Variants in C2orf76 observed in about 807,000 individuals in gnomAD.
C2orf76 encodes the protein chromosome 2 open reading frame 76.
C2orf76 carries 23 observed loss-of-function variants against 16.9 expected under a neutral mutation model. The ratio of observed to expected loss-of-function variants is 1.36; its 90% CI spans 0.98 to 1.93. C2orf76 has a LOEUF of 1.93. Ranked by LOEUF, C2orf76 falls within the 30% of genes most tolerant of loss-of-function variation. The pLI, the probability that C2orf76 is intolerant of heterozygous loss-of-function variation, is 0.00. For synonymous variants in C2orf76, 48 were observed against 52.3 expected, an observed-to-expected ratio of 0.92 and a Z score of 0.35; for missense variants, 152 against 152.6, an observed-to-expected ratio of 1.00 and a Z score of 0.02.
At chr2:119,363,569 G>A (rs1309415985) in intron 1 of C2orf76, among the ~76,000 whole-genome samples, 1 of 152,102 alleles carries the variant, frequency 6.6e-6, no homozygotes. Context: ...TCGCCTTATA[G>A]TAACTCTAGT....
chr2:119,366,676 T>C, intron 1 of C2orf76, 114 bp downstream of exon 1: 1 of 458,204 alleles, frequency 2.2e-6, no homozygotes, highest in South Asian at 2.0e-5. Context: ...CGTTCTTCGG[T>C]CTCCGTCCCC....
chr2:119,334,692 G>GC (rs1553448065), intron 2 of C2orf76, among the ~76,000 whole-genome samples: 1 of 129,654 alleles, frequency 7.7e-6, no homozygotes, highest in Non-Finnish European at 1.7e-5. Flanking sequence ...CTCTCTCTCA[G>GC]AAAAAAACAA....
downstream of C2orf76, among the ~76,000 whole-genome samples, chr2:119,301,241 T>C (rs1259038550): frequency 6.6e-6 from 1 of 152,182 alleles, no homozygotes; most frequent in African/African-American, 2.4e-5. Flanking sequence ...CCCCCAAAAC[T>C]ACATCATCTG....
At chr2:119,304,399 T>C (rs7599053) in intron 5 of C2orf76, among the ~76,000 whole-genome samples, 23,322 of 152,220 alleles carry the variant, frequency 0.15, 4,558 homozygotes, top group African/African-American at 0.46. Context: ...ACTAATATGT[T>C]GTGTGGCTCT....
In C2orf76 at chr2:119,345,929, C is replaced by T. The variant is rs376911495; in HGVS notation, c.-12-5958G>A. Reference sequence around the variant, plus strand: ...ACAAAAAATTAGCCGGGCATGGTGGCGGGCGCCTGTAGCTACTCAGGAGAC... The same window carrying T: ...ACAAAAAATTAGCCGGGCATGGTGGTGGGCGCCTGTAGCTACTCAGGAGAC... On this transcript the variant is annotated intron_variant, in intron 1 of 5. Transcript: ENST00000334816. Among the ~76,000 whole-genome samples the T allele has an allele frequency of 4.0e-3, 610 of 151,650 alleles. 6 individuals are homozygous for T. Among genetic ancestry groups the T allele is most frequent in the Middle Eastern group, 0.014 (4 of 292 alleles).
At chr2:119,334,703 AATAT>A (rs1553448070) in intron 2 of C2orf76, among the ~76,000 whole-genome samples, 1 of 146,132 alleles carries the variant, frequency 6.8e-6, no homozygotes. Context: ...AAAAAAACAA[AATAT>A]ATATATATAT....
downstream of C2orf76, among the ~76,000 whole-genome samples, chr2:119,299,561 G>A (rs780660088): frequency 2.0e-5 from 3 of 152,104 alleles, no homozygotes; most frequent in Admixed American, 6.5e-5. Context: ...TGAAATCCAG[G>A]TGTCAGCAGG....
intron 1 of C2orf76, among the ~76,000 whole-genome samples, chr2:119,354,708 T>C (rs1680515040): frequency 6.6e-6 from 1 of 152,208 alleles, no homozygotes; most frequent in Admixed American, 6.5e-5. Context: ...TTGAGAAAGA[T>C]ATTTTCAACA....
intron 2 of C2orf76, among the ~76,000 whole-genome samples, chr2:119,323,005 C>T (rs1351204302): frequency 6.6e-6 from 1 of 152,006 alleles, no homozygotes; most frequent in Non-Finnish European, 1.5e-5. Context: ...AAAATATCCA[C>T]GTATCTAAAT....
intron 2 of C2orf76, among the ~76,000 whole-genome samples, chr2:119,321,502 G>A (rs2104566698): frequency 6.6e-6 from 1 of 152,256 alleles, no homozygotes; most frequent in Middle Eastern, 3.4e-3. Flanking sequence ...CATGGCGCCA[G>A]GCAAGAGGGT....
chr2:119,289,399 G>C, the C2orf76 span, among the ~76,000 whole-genome samples: 101,602 of 151,926 alleles, frequency 0.67, 34,847 homozygotes, highest in African/African-American at 0.8. Flanking sequence ...GCATTAAAGC[G>C]CAGGGTGGCC....
intron 1 of C2orf76, among the ~76,000 whole-genome samples, chr2:119,350,967 C>T (rs985835419): frequency 6.6e-6 from 1 of 152,128 alleles, no homozygotes; most frequent in Non-Finnish European, 1.5e-5. Flanking sequence ...TTACACTGAT[C>T]TCTGTCAGCT....
intron 3 of C2orf76, 62 bp downstream of exon 3, chr2:119,321,092 T>C: frequency 2.2e-6 from 2 of 900,128 alleles, no homozygotes; most frequent in Non-Finnish European, 3.2e-6. Context: ...AAATTTAAGT[T>C]TGTAACAAAC....
intron 2 of C2orf76, among the ~76,000 whole-genome samples, chr2:119,326,537 C>T (rs547208489): frequency 6.6e-6 from 1 of 151,794 alleles, no homozygotes; most frequent in East Asian, 1.9e-4. Context: ...TGAGTTATGA[C>T]GATTTTAGGT....
At chr2:119,313,653 C>T (rs371162764) in intron 4 of C2orf76, among the ~76,000 whole-genome samples, 3 of 152,172 alleles carry the variant, frequency 2.0e-5, no homozygotes, top group East Asian at 3.9e-4. Flanking sequence ...GTTCTCCAAG[C>T]ATATATGAAT....
At chr2:119,358,987 G>A (rs1680658606) in intron 1 of C2orf76, among the ~76,000 whole-genome samples, 1 of 152,182 alleles carries the variant, frequency 6.6e-6, no homozygotes. Flanking sequence ...TAGCTAGGGA[G>A]AAGTCAACGC....
intron 1 of C2orf76, among the ~76,000 whole-genome samples, chr2:119,361,494 C>A (rs542244159): frequency 1.8e-4 from 27 of 151,780 alleles, no homozygotes; most frequent in Non-Finnish European, 3.5e-4. Context: ...GATACACACA[C>A]AAAAAAATTG....
chr2:119,303,219 A>G (rs1376869015), intron 5 of C2orf76, among the ~76,000 whole-genome samples: 2 of 152,270 alleles, frequency 1.3e-5, no homozygotes, highest in African/African-American at 4.8e-5. Context: ...GAAGGTTCAG[A>G]GCAGTCACAA....
In C2orf76 at chr2:119,350,355, C is replaced by G. The variant is rs1013352734; in HGVS notation, c.-12-10384G>C. Reference sequence around the variant, plus strand: ...CGTGTATATTTCAACACATAAGACCCAGGTGGTGCTTTGAAAAGTAAGAGT... The same window carrying G: ...CGTGTATATTTCAACACATAAGACCGAGGTGGTGCTTTGAAAAGTAAGAGT... On this transcript the variant is annotated intron_variant, in intron 1 of 5. Coordinates refer to ENST00000334816, the MANE Select transcript of C2orf76 (RefSeq NM_001322331.2). 6.6e-5 allele frequency among the ~76,000 whole-genome samples: 10 copies of G among 151,984 alleles called. 1 individual carries two copies. Among genetic ancestry groups the G allele is most frequent in the Admixed American group, 4.6e-4 (7 of 15,252 alleles).
Sources: gnomAD v4.1 joint callset for allele counts (sites outside exome capture counted in the v4.1 genomes callset) on GRCh38, gnomAD v4.1.1 for gene constraint, MANE v1.5 for transcripts, NCBI Gene and HGNC (gene_info 2026-07-23, HGNC 2026-07-21) for gene names.